The following MBNL3 variants were observed in gnomAD, a reference collection of about 807,000 sequenced individuals.
The protein encoded by MBNL3 is muscleblind like splicing regulator 3.
In MBNL3, 6 loss-of-function variants were observed where a neutral mutation model predicts 24.5. That is an observed-to-expected ratio of 0.25 (90% confidence interval 0.13 to 0.48). MBNL3 has a LOEUF of 0.48. Ranked by LOEUF, MBNL3 falls within the 20% of genes least tolerant of loss-of-function variation. MBNL3 has a pLI of 0.99. For synonymous variants in MBNL3, 100 were observed against 101.7 expected, an observed-to-expected ratio of 0.98 and a Z score of 0.10; for missense variants, 230 against 293.5, an observed-to-expected ratio of 0.78 and a Z score of 1.58.
chrX:132,403,869 C>T (rs970625083), intron 3 of MBNL3, among the ~76,000 whole-genome samples: 5 of 111,798 alleles, frequency 4.5e-5, no homozygotes, highest in Non-Finnish European at 9.4e-5. Flanking sequence ...CCACTGGGCT[C>T]AGGTGTCTGA....
chrX:132,395,785 G>T (rs1938063603), intron 3 of MBNL3, among the ~76,000 whole-genome samples: 1 of 111,271 alleles, frequency 9.0e-6, no homozygotes, highest in Non-Finnish European at 1.9e-5. Flanking sequence ...TCAGATAAAG[G>T]CTGCAGACTC....
intron 2 of MBNL3, among the ~76,000 whole-genome samples, chrX:132,438,850 A>C (rs986747378): frequency 1.9e-5 from 2 of 107,419 alleles, no homozygotes; most frequent in Non-Finnish European, 3.8e-5. Flanking sequence ...GAGGAAAATT[A>C]AGTGAACCTA....
At chrX:132,401,998 A>C (rs1481355868) in intron 3 of MBNL3, among the ~76,000 whole-genome samples, 2 of 111,735 alleles carry the variant, frequency 1.8e-5, no homozygotes, top group Non-Finnish European at 3.8e-5. Flanking sequence ...CAGATGATTC[A>C]ATTTGAGATA....
At chrX:132,457,657 G>A (rs1178565885) in intron 1 of MBNL3, among the ~76,000 whole-genome samples, 1 of 110,996 alleles carries the variant, frequency 9.0e-6, no homozygotes, top group Non-Finnish European at 1.9e-5. Context: ...TATACAGAAA[G>A]GGAACCAAAA....
chrX:132,408,304 G>C, intron 2 of MBNL3, among the ~76,000 whole-genome samples: 1 of 106,463 alleles, frequency 9.4e-6, no homozygotes, highest in Non-Finnish European at 1.9e-5. Flanking sequence ...GACAGCAGTA[G>C]TGGGGAAAAT....
intron 2 of MBNL3, among the ~76,000 whole-genome samples, chrX:132,436,715 C>T (rs1945136368): frequency 8.9e-6 from 1 of 112,044 alleles, no homozygotes; most frequent in South Asian, 3.7e-4. Flanking sequence ...CAATTACCCT[C>T]AACTTAATTT....
intron 2 of MBNL3, among the ~76,000 whole-genome samples, chrX:132,407,899 T>A (rs983665338): frequency 3.7e-5 from 4 of 109,335 alleles, no homozygotes; most frequent in African/African-American, 6.6e-5. Context: ...TACTTCTACT[T>A]CAGGGTTTCT....
chrX:132,449,988 C>A (rs532298909), intron 1 of MBNL3, among the ~76,000 whole-genome samples: 794 of 72,935 alleles, frequency 0.011, 71 homozygotes, highest in Non-Finnish European at 0.012. Flanking sequence ...CCCCCCCCCC[C>A]CCCCCGCCAC....
intron 1 of MBNL3, among the ~76,000 whole-genome samples, chrX:132,444,280 G>C (rs949024158): frequency 9.0e-6 from 1 of 110,647 alleles, no homozygotes; most frequent in Non-Finnish European, 1.9e-5. Flanking sequence ...AGTTTTGTCA[G>C]TTGGGCATCC....
chrX:132,487,199 C>T (rs1447851108), intron 1 of MBNL3, among the ~76,000 whole-genome samples: 1 of 110,028 alleles, frequency 9.1e-6, no homozygotes, highest in Non-Finnish European at 1.9e-5. Flanking sequence ...AGTCTTTTAG[C>T]AGCAAGGTAG....
At chrX:132,381,361 T>A in intron 8 of MBNL3, 1 of 1,131,970 alleles carries the variant, frequency 8.8e-7, no homozygotes, top group Non-Finnish European at 1.2e-6. Context: ...AAACTTACTG[T>A]TCTACTGAGA....
chrX:132,444,333 C>T (rs904959889), intron 1 of MBNL3, among the ~76,000 whole-genome samples: 3 of 111,133 alleles, frequency 2.7e-5, no homozygotes, highest in Non-Finnish European at 5.7e-5. Context: ...AGTTTTGAAT[C>T]GATTGGACCT....
At position 132,374,936 on chromosome X, in the gene MBNL3, T is replaced by C. The variant is rs367655723; in HGVS notation, c.*4730A>G. The C allele has an allele frequency of 3.3e-4, 37 of 111,972 alleles. No individual in the cohort carries two copies. The highest frequency in any genetic ancestry group is 1.1e-3 in the African/African-American group (35 of 30,935). The allele number at this position is 111,972 out of a possible 1,213,427, so 9.2% of individuals were successfully genotyped here. ...AAAAAGTTAGGTAATGTATTAAAAA[T>C]GCAATGATTGCGTTTTGAAGTCTAA... On this transcript the variant is annotated 3_prime_UTR_variant, in exon 9 of 9. Coordinates refer to ENST00000370853, the MANE Select transcript of MBNL3 (RefSeq NM_001386889.1).
intron 5 of MBNL3, among the ~76,000 whole-genome samples, chrX:132,389,604 G>A (rs1277156639): frequency 4.5e-5 from 5 of 111,369 alleles, no homozygotes; most frequent in Non-Finnish European, 9.4e-5. Flanking sequence ...GGGCTTCAGG[G>A]TCATGTCAGT....
chrX:132,456,631 T>C (rs925581467), intron 1 of MBNL3, among the ~76,000 whole-genome samples: 2 of 111,979 alleles, frequency 1.8e-5, no homozygotes, highest in African/African-American at 3.2e-5. Context: ...AATCAGTCTT[T>C]CACAAATTTT....
chrX:132,386,816 G>T lies in MBNL3; in HGVS notation c.772-5C>A, dbSNP rs185006165. On this transcript the variant is annotated splice_polypyrimidine_tract_variant and splice_region_variant and intron_variant, in intron 5 of 8. Coordinates refer to ENST00000370853, the MANE Select transcript of MBNL3 (RefSeq NM_001386889.1). ...CAGTGTACCAGGCTGCAGGGCCTGTGGGGGGAGAGATGGTACTAGTACTAG... is the reference window on the plus strand; with the variant it reads ...CAGTGTACCAGGCTGCAGGGCCTGTTGGGGGAGAGATGGTACTAGTACTAG... The T allele has an allele frequency of 2.1e-5, 25 of 1,204,860 alleles. No individual in the cohort carries two copies. The highest frequency in any genetic ancestry group is 1.4e-4 in the South Asian group (8 of 56,613).
chrX:132,401,610 CAAA>C (rs536128391), intron 3 of MBNL3, among the ~76,000 whole-genome samples: 1 of 82,815 alleles, frequency 1.2e-5, no homozygotes. Flanking sequence ...TACCGTGTCT[CAAA>C]AAAAAAAAAA....
chrX:132,454,080 A>C (rs1569456176), intron 1 of MBNL3, among the ~76,000 whole-genome samples: 1 of 111,820 alleles, frequency 8.9e-6, no homozygotes, highest in Non-Finnish European at 1.9e-5. Context: ...CAACAGAGGG[A>C]AATTCTGTCT....
intron 1 of MBNL3, among the ~76,000 whole-genome samples, chrX:132,456,499 C>A (rs1946377849): frequency 8.9e-6 from 1 of 111,801 alleles, no homozygotes; most frequent in African/African-American, 3.3e-5. Flanking sequence ...ATGTATGGAG[C>A]TCTTATTCTG....
Sources: allele counts gnomAD v4.1 joint callset (sites outside exome capture counted in the v4.1 genomes callset), GRCh38; gene constraint gnomAD v4.1.1; transcripts MANE v1.5; gene names NCBI Gene and HGNC (gene_info 2026-07-23, HGNC 2026-07-21).